The following TRAPPC9 variants were observed in gnomAD, a reference collection of about 807,000 sequenced individuals.
TRAPPC9 encodes IKK2 binding protein.
In TRAPPC9, 83 loss-of-function variants were observed where a neutral mutation model predicts 124.0. The ratio of observed to expected loss-of-function variants is 0.67; its 90% CI spans 0.56 to 0.80. The LOEUF (loss-of-function observed/expected upper bound fraction) is 0.80, where lower values mean the gene tolerates loss of function less well. TRAPPC9 is among the 30% of genes least tolerant of loss of function. The probability of loss-of-function intolerance (pLI) is 0.00; values close to 1 mark genes in which losing one functional copy is unlikely to be tolerated. For synonymous variants in TRAPPC9, 638 were observed against 617.5 expected, an observed-to-expected ratio of 1.03 and a Z score of -0.49; for missense variants, 1,302 against 1,508.3, an observed-to-expected ratio of 0.86 and a Z score of 2.27.
chr8:140,453,507 G>A (rs190232979), intron 1 of TRAPPC9, among the ~76,000 whole-genome samples: 1,272 of 38,762 alleles, frequency 0.033, 23 homozygotes, highest in African/African-American at 0.097. Flanking sequence ...GTGTGTCGGG[G>A]GCTATCCTGG....
At chr8:140,423,023 C>T (rs918650615) in intron 5 of TRAPPC9, among the ~76,000 whole-genome samples, 2 of 152,120 alleles carry the variant, frequency 1.3e-5, no homozygotes, top group Non-Finnish European at 2.9e-5. Flanking sequence ...GCATTCATTG[C>T]TAGTAGTAAT....
rs534411335 is a variant in TRAPPC9 at position 140,304,656 on chromosome 8, G to C, written c.1623-4042C>G. On this transcript the variant is annotated intron_variant, in intron 10 of 22. Transcript: ENST00000438773. ...AGGCCTGCCACGGACCAGGTGCTGAGAGCATTAACAACACGAGCCCGCTCC... is the reference window on the plus strand; with the variant it reads ...AGGCCTGCCACGGACCAGGTGCTGACAGCATTAACAACACGAGCCCGCTCC... 3.3e-5 allele frequency among the ~76,000 whole-genome samples: 5 copies of C among 152,292 alleles called. No homozygotes were observed. In the East Asian group the frequency reaches 7.7e-4, roughly 24 times the overall value.
At chr8:140,320,571 C>A (rs1228803628) in intron 9 of TRAPPC9, among the ~76,000 whole-genome samples, 1 of 152,184 alleles carries the variant, frequency 6.6e-6, no homozygotes, top group African/African-American at 2.4e-5. Context: ...CAGGGCCCAG[C>A]CAAGTCAAAT....
intron 18 of TRAPPC9, 42 bp from the exon 19 acceptor site, chr8:139,988,878 C>T: frequency 7.5e-7 from 1 of 1,331,090 alleles, no homozygotes; most frequent in South Asian, 1.3e-5. Flanking sequence ...CTCTGACAGC[C>T]AAAGAGGAAT....
chr8:140,041,309 G>C (rs933684106), intron 17 of TRAPPC9, among the ~76,000 whole-genome samples: 2 of 152,184 alleles, frequency 1.3e-5, no homozygotes, highest in African/African-American at 4.8e-5. Flanking sequence ...CAAATGATTA[G>C]AGCCCTGTGA....
chr8:140,450,513 A>AGGAGTCCCACGAGG (rs1194334449), intron 2 of TRAPPC9, among the ~76,000 whole-genome samples: 1 of 152,184 alleles, frequency 6.6e-6, no homozygotes, highest in African/African-American at 2.4e-5. Context: ...ACAGAGCTCC[A>AGGAGTCCCACGAGG]GGAGTCCCAC....
intron 18 of TRAPPC9, among the ~76,000 whole-genome samples, chr8:140,021,695 C>T (rs897378870): frequency 6.6e-5 from 10 of 152,094 alleles, no homozygotes; most frequent in Admixed American, 6.5e-5. Flanking sequence ...TTGGAAGTGT[C>T]GGCTTAAGGA....
chr8:140,390,612 G>A (rs1157353083), intron 7 of TRAPPC9, among the ~76,000 whole-genome samples: 2 of 152,204 alleles, frequency 1.3e-5, no homozygotes, highest in African/African-American at 2.4e-5. Flanking sequence ...GCAGGCAGCT[G>A]CCATCATCCA....
chr8:140,156,972 A>AAAGCCTCCCTTTCCATTCAG (rs2061646023), intron 17 of TRAPPC9, among the ~76,000 whole-genome samples: 4 of 109,326 alleles, frequency 3.7e-5, no homozygotes, highest in Non-Finnish European at 5.7e-5. Context: ...TTTCCATTCA[A>AAAGCCTCCCTTTCCATTCAG]AAGCCTCCCT....
intron 17 of TRAPPC9, among the ~76,000 whole-genome samples, chr8:140,175,941 C>T (rs1240353570): frequency 1.3e-5 from 2 of 152,246 alleles, no homozygotes; most frequent in African/African-American, 4.8e-5. Flanking sequence ...GCATGCCAGA[C>T]ATCGGGCTAT....
intron 21 of TRAPPC9, among the ~76,000 whole-genome samples, chr8:139,813,510 G>C (rs1289889630): frequency 2.6e-5 from 4 of 152,238 alleles, no homozygotes; most frequent in Admixed American, 6.5e-5. Flanking sequence ...AGCCGAGAAG[G>C]GCCAGGCCTA....
At chr8:139,749,178 T>C (rs1819148982) in intron 21 of TRAPPC9, among the ~76,000 whole-genome samples, 1 of 152,052 alleles carries the variant, frequency 6.6e-6, no homozygotes, top group Non-Finnish European at 1.5e-5. Flanking sequence ...CTGTGGCCTT[T>C]CCAAAGCTGG....
chr8:139,949,163 AAAT>A (rs1264577842), intron 19 of TRAPPC9, among the ~76,000 whole-genome samples: 4 of 152,190 alleles, frequency 2.6e-5, no homozygotes, highest in African/African-American at 9.7e-5. Flanking sequence ...CCAAAGACAC[AAAT>A]AATAATATTA....
intron 18 of TRAPPC9, among the ~76,000 whole-genome samples, chr8:140,006,289 T>C (rs1018651458): frequency 1.3e-5 from 2 of 152,194 alleles, no homozygotes; most frequent in Non-Finnish European, 2.9e-5. Flanking sequence ...AAAATATAAT[T>C]TTTTAAATGT....
rs994238629 is a variant in TRAPPC9 at position 140,299,851 on chromosome 8, C to T, written c.1768+618G>A. 2.0e-5 allele frequency among the ~76,000 whole-genome samples: 3 copies of T among 152,206 alleles called. No individual in the cohort carries two copies. The South Asian group carries it at 6.2e-4, about 32-fold the overall frequency. On this transcript the variant is annotated intron_variant, in intron 11 of 22. Transcript: ENST00000438773. ...GTCTCTCCCACAACACAGCTTAACCCAGGACTGACTATCCTGATCACCTGT... is the reference window on the plus strand; with the variant it reads ...GTCTCTCCCACAACACAGCTTAACCTAGGACTGACTATCCTGATCACCTGT...
At chr8:140,184,211 G>A (rs1265651568) in intron 17 of TRAPPC9, among the ~76,000 whole-genome samples, 1 of 152,044 alleles carries the variant, frequency 6.6e-6, no homozygotes, top group Non-Finnish European at 1.5e-5. Flanking sequence ...CTCTTTTTAA[G>A]TCTACACTAG....
At chr8:139,927,846 G>A (rs1031755508) in intron 19 of TRAPPC9, among the ~76,000 whole-genome samples, 1 of 152,198 alleles carries the variant, frequency 6.6e-6, no homozygotes, top group Admixed American at 6.5e-5. Context: ...AGTGAGTGAT[G>A]TCAGACAAAT....
intron 17 of TRAPPC9, among the ~76,000 whole-genome samples, chr8:140,170,012 A>C (rs928152025): frequency 6.6e-6 from 1 of 152,240 alleles, no homozygotes; most frequent in African/African-American, 2.4e-5. Context: ...TGCTGGGACT[A>C]CAGGTGTGAG....
At chr8:140,178,428 C>T (rs1477943642) in intron 17 of TRAPPC9, among the ~76,000 whole-genome samples, 1 of 152,092 alleles carries the variant, frequency 6.6e-6, no homozygotes, top group Non-Finnish European at 1.5e-5. Context: ...ACTTAACCAG[C>T]CTTGCATTCT....
Sources: gnomAD v4.1 joint callset for allele counts (sites outside exome capture counted in the v4.1 genomes callset) on GRCh38, gnomAD v4.1.1 for gene constraint, MANE v1.5 for transcripts, NCBI Gene and HGNC (gene_info 2026-07-23, HGNC 2026-07-21) for gene names.